The following FOLH1 variants were observed in gnomAD, a reference collection of about 807,000 sequenced individuals.
The protein encoded by FOLH1 is folate hydrolase 1.
A neutral mutation model predicts 93.9 loss-of-function variants in FOLH1; 54 were observed. The ratio of observed to expected loss-of-function variants is 0.57; its 90% CI spans 0.46 to 0.72. The LOEUF is 0.72. Ranked by LOEUF, FOLH1 falls within the 30% of genes least tolerant of loss-of-function variation. FOLH1 has a pLI of 0.00. For missense variants in FOLH1, 571 were observed against 892.5 expected, an observed-to-expected ratio of 0.64 and a Z score of 4.59; for synonymous variants, 249 against 303.6, an observed-to-expected ratio of 0.82 and a Z score of 1.87.
At position 49,174,925 on chromosome 11, in the gene FOLH1, C is replaced by T. The variant is rs1197370328; in HGVS notation, c.1072G>A (p.Val358Met). 1.2e-6 allele frequency: 2 copies of T among 1,611,146 alleles called. No individual in the cohort carries two copies. Among genetic ancestry groups the T allele is most frequent in the East Asian group, 2.2e-5 (1 of 44,840 alleles). ...STNEVTRIYN[V>M]IGTLRGAVEP... Reference sequence around the variant, plus strand: ...ACTGCTCCTCTGAGAGTACCTATCACATTGTAAATTCTTGTCACTTCATTG... The same window carrying T: ...ACTGCTCCTCTGAGAGTACCTATCATATTGTAAATTCTTGTCACTTCATTG... The change falls in exon 9 of 19, where the codon GTG (valine) becomes ATG (methionine). Residue 358 changes from valine (V) to methionine (M), a missense_variant. By Grantham distance (21) the Val-to-Met change is conservative. Transcript: ENST00000256999.
Position 49,185,783 on chromosome 11 carries a change from C to A in FOLH1, c.712G>T (p.Gly238Trp). Residue 238 changes from glycine (G) to tryptophan (W), a missense_variant, in exon 6 of 19, where the codon GGG (glycine) becomes TGG (tryptophan). Coordinates refer to ENST00000256999, the MANE Select transcript of FOLH1 (RefSeq NM_004476.3). Reference sequence around the variant, plus strand: ...CAACCATCTGGATAGGACTTCACCCCAGGAGCAAAGTAGTCAGCAGGGTCG... The same window carrying A: ...CAACCATCTGGATAGGACTTCACCCAAGGAGCAAAGTAGTCAGCAGGGTCG... ...YSDPADYFAPGVKSYPDGWNL... is the reference protein window; with the variant it reads ...YSDPADYFAPWVKSYPDGWNL... 1.9e-6 allele frequency: 3 copies of A among 1,608,724 alleles called. No homozygotes were observed. The highest frequency in any genetic ancestry group is 2.5e-6 in the Non-Finnish European group (3 of 1,178,198).
At chr11:49,165,825 T>C (rs889658614) in intron 12 of FOLH1, among the ~76,000 whole-genome samples, 4 of 152,204 alleles carry the variant, frequency 2.6e-5, no homozygotes, top group Admixed American at 1.3e-4. Context: ...GATTTTAGAT[T>C]CTAAAATTTA....
chr11:49,191,333 A>G (rs1296498668), intron 4 of FOLH1, among the ~76,000 whole-genome samples: 1 of 152,190 alleles, frequency 6.6e-6, no homozygotes, highest in East Asian at 1.9e-4. Flanking sequence ...TTAAACACAC[A>G]TATGGACATA....
chr11:49,175,028 T>G (rs1329467296), intron 8 of FOLH1, 51 bp from the exon 9 acceptor site: 1 of 1,533,316 alleles, frequency 6.5e-7, no homozygotes, highest in Non-Finnish European at 9.0e-7. Flanking sequence ...GTTAACAGAT[T>G]AACACTATAA....
At chr11:49,167,864 A>C (rs1213952427) in intron 12 of FOLH1, among the ~76,000 whole-genome samples, 8 of 151,862 alleles carry the variant, frequency 5.3e-5, no homozygotes, top group Admixed American at 3.9e-4. Context: ...AACAGAAAAA[A>C]AAAACAAACA....
chr11:49,154,532 C>T (rs1856801399), intron 15 of FOLH1, 40 bp from the exon 16 acceptor site: 1 of 1,559,456 alleles, frequency 6.4e-7, no homozygotes. Flanking sequence ...TATAGGATAG[C>T]TTACAAAAAA....
intron 17 of FOLH1, among the ~76,000 whole-genome samples, chr11:49,149,782 CCTA>C: frequency 6.6e-6 from 1 of 152,022 alleles, no homozygotes; most frequent in South Asian, 2.1e-4. Flanking sequence ...TTATGTCCAT[CCTA>C]CTTTTAGATA....
At chr11:49,149,118 G>T (rs1474401342) in intron 17 of FOLH1, among the ~76,000 whole-genome samples, 3 of 151,980 alleles carry the variant, frequency 2.0e-5, no homozygotes, top group Non-Finnish European at 4.4e-5. Flanking sequence ...TCGTGGGGTG[G>T]GGTGAGGGGG....
chr11:49,206,017 A>G (rs1863884206), intron 2 of FOLH1, 50 bp downstream of exon 2: 1 of 1,559,854 alleles, frequency 6.4e-7, no homozygotes. Context: ...AAACAGAATG[A>G]TAAATTTTTC....
At chr11:49,151,263 C>A (rs1003586832) in intron 17 of FOLH1, among the ~76,000 whole-genome samples, 4 of 152,190 alleles carry the variant, frequency 2.6e-5, no homozygotes, top group African/African-American at 9.6e-5. Context: ...ACACAGAATA[C>A]CTGTTAGCAA....
At chr11:49,164,809 T>C in intron 12 of FOLH1, 37 bp from the exon 13 acceptor site, 2 of 1,450,908 alleles carry the variant, frequency 1.4e-6, no homozygotes, top group Non-Finnish European at 1.9e-6. Flanking sequence ...TAAAATTTAA[T>C]TTCTTTCTGT....
chr11:49,180,000 C>G (rs573313489), intron 7 of FOLH1, among the ~76,000 whole-genome samples: 2 of 152,100 alleles, frequency 1.3e-5, no homozygotes, highest in Non-Finnish European at 2.9e-5. Flanking sequence ...AAAGGTCTCC[C>G]GAGCAGAGGC....
chr11:49,154,091 T>C, intron 16 of FOLH1, 137 bp downstream of exon 16: 1 of 1,382,082 alleles, frequency 7.2e-7, no homozygotes, highest in Non-Finnish European at 9.8e-7. Flanking sequence ...AAATGGAAAA[T>C]ACATTTATAG....
intron 6 of FOLH1, 115 bp downstream of exon 6, chr11:49,185,554 A>G: frequency 7.7e-7 from 1 of 1,304,984 alleles, no homozygotes; most frequent in Non-Finnish European, 1.0e-6. Context: ...TTTCATTCTT[A>G]AATGCAAAGA....
chr11:49,173,260 A>G, intron 10 of FOLH1, 97 bp downstream of exon 10: 1 of 1,254,764 alleles, frequency 8.0e-7, no homozygotes, highest in Non-Finnish European at 1.1e-6. Context: ...TACCAAACAC[A>G]TGTAATGGTT....
chr11:49,152,570 T>C (rs1856606207), intron 17 of FOLH1, among the ~76,000 whole-genome samples: 1 of 152,180 alleles, frequency 6.6e-6, no homozygotes, highest in Non-Finnish European at 1.5e-5. Context: ...TCTTTGCAGG[T>C]GTATCTTTGA....
At chr11:49,190,214 A>G (rs1398126025) in intron 4 of FOLH1, among the ~76,000 whole-genome samples, 1 of 152,214 alleles carries the variant, frequency 6.6e-6, no homozygotes, top group Non-Finnish European at 1.5e-5. Context: ...GTCTTTTGAT[A>G]TATCAGCAAT....
rs1270445887 is a variant in FOLH1, at chr11:49,146,515, T to A, written c.*241A>T. The A allele has an allele frequency of 5.5e-6, 2 of 364,142 alleles. No homozygotes were observed. Among genetic ancestry groups the A allele is most frequent in the Admixed American group, 4.4e-5 (1 of 22,612 alleles). 22.6% of individuals were successfully genotyped at this position (364,142 alleles called of 1,614,324 possible). ...CTATATTAGGCCATTCTCCTTAGAT[T>A]TAATACTGAGTTAAATTTTTCCACT... On this transcript the variant is annotated 3_prime_UTR_variant, in exon 19 of 19. Transcript: ENST00000256999.
At chr11:49,163,671 A>G (rs938605315) in intron 13 of FOLH1, among the ~76,000 whole-genome samples, 7 of 151,598 alleles carry the variant, frequency 4.6e-5, no homozygotes, top group African/African-American at 1.5e-4. Context: ...ATGGGTATGT[A>G]TGGGGGTCTA....
Sources: allele counts gnomAD v4.1 joint callset (sites outside exome capture counted in the v4.1 genomes callset), GRCh38; gene constraint gnomAD v4.1.1; transcripts MANE v1.5; gene names NCBI Gene and HGNC (gene_info 2026-07-23, HGNC 2026-07-21).